LRP2: variants seen among roughly 807,000 people sequenced by gnomAD.
LRP2 encodes low-density lipoprotein receptor-related protein 2.
LRP2 carries 172 observed loss-of-function variants against 531.0 expected under a neutral mutation model. The ratio of observed to expected loss-of-function variants is 0.32; its 90% CI spans 0.29 to 0.37. LRP2 has a LOEUF of 0.37. LRP2 is among the 10% of genes least tolerant of loss of function. The probability of loss-of-function intolerance (pLI) is 1.00; values close to 1 mark genes in which losing one functional copy is unlikely to be tolerated. For missense variants in LRP2, 5,167 were observed against 5,868.3 expected (o/e 0.88, Z 3.90); for synonymous variants, 1,992 against 2,027.6 (o/e 0.98, Z 0.47).
intron 1 of LRP2, among the ~76,000 whole-genome samples, chr2:169,353,933 G>T (rs542654572): frequency 6.6e-6 from 1 of 152,316 alleles, no homozygotes; most frequent in East Asian, 1.9e-4. Flanking sequence ...TGAGGCTGCA[G>T]GGAGCCATGC....
chr2:169,254,874 G>A (rs1360884991), intron 19 of LRP2, among the ~76,000 whole-genome samples: 1 of 151,916 alleles, frequency 6.6e-6, no homozygotes, highest in Non-Finnish European at 1.5e-5. Flanking sequence ...GACATCATTA[G>A]TGAAAAGGGA....
At chr2:169,237,398 G>A (rs1399567638) in intron 27 of LRP2, 111 bp from the exon 28 acceptor site, 5 of 882,568 alleles carry the variant, frequency 5.7e-6, no homozygotes, top group Non-Finnish European at 8.9e-6. Flanking sequence ...ATAATTACTT[G>A]TGGGGATTAG....
intron 1 of LRP2, among the ~76,000 whole-genome samples, chr2:169,325,116 C>G (rs1449972967): frequency 2.0e-5 from 3 of 150,436 alleles, no homozygotes; most frequent in Admixed American, 1.3e-4. Context: ...CAGTTTCATT[C>G]TTTTACCCGT....
chr2:169,314,795 C>T (rs1684713707), intron 3 of LRP2, among the ~76,000 whole-genome samples: 1 of 152,170 alleles, frequency 6.6e-6, no homozygotes, highest in South Asian at 2.1e-4. Flanking sequence ...GAATTCTGCC[C>T]ATGGCAGAGA....
intron 1 of LRP2, among the ~76,000 whole-genome samples, chr2:169,339,171 T>A (rs1360027665): frequency 6.6e-6 from 1 of 152,128 alleles, no homozygotes; most frequent in Non-Finnish European, 1.5e-5. Flanking sequence ...AGCTCTTCTA[T>A]ATTCATCATC....
In LRP2 at chr2:169,259,018, C is replaced by T. The variant is rs1158609461; in HGVS notation, c.2513+7G>A. ...TCAAGCTCTTAGGAAAACATGAACACACTTACCCGGCAAAAGGATGAACTA... is the reference window on the plus strand; with the variant it reads ...TCAAGCTCTTAGGAAAACATGAACATACTTACCCGGCAAAAGGATGAACTA... On this transcript the variant is annotated splice_region_variant and intron_variant, in intron 17 of 78. Transcript: ENST00000649046. 4 of 1,612,962 alleles carry T rather than the reference C, an allele frequency of 2.5e-6. No homozygotes were observed. The highest frequency in any genetic ancestry group is 3.4e-6 in the Non-Finnish European group (4 of 1,179,304).
intron 1 of LRP2, among the ~76,000 whole-genome samples, chr2:169,328,441 T>TAAAAAAAAAAAG (rs1685176519): frequency 6.1e-5 from 3 of 49,110 alleles, no homozygotes; most frequent in East Asian, 6.0e-4. Flanking sequence ...CGGGCCGGGA[T>TAAAAAAAAAAAG]AAAAAAAAAA....
intron 1 of LRP2, among the ~76,000 whole-genome samples, chr2:169,342,569 A>G (rs987620579): frequency 2.6e-5 from 4 of 152,306 alleles, no homozygotes; most frequent in East Asian, 3.9e-4. Context: ...TTAGCTTGAC[A>G]TACAAAATCC....
chr2:169,168,721 A>G, intron 60 of LRP2, 45 bp from the exon 61 acceptor site: 1 of 1,609,778 alleles, frequency 6.2e-7, no homozygotes, highest in Non-Finnish European at 8.5e-7. Context: ...ATACAAATTG[A>G]CTACTTTGGG....
intron 30 of LRP2, 52 bp from the exon 31 acceptor site, chr2:169,231,894 A>C: frequency 6.2e-7 from 1 of 1,603,354 alleles, no homozygotes. Context: ...TCCACATTAA[A>C]ATCAAAACAG....
At chr2:169,288,034 G>A (rs1020880622) in intron 9 of LRP2, among the ~76,000 whole-genome samples, 4 of 151,972 alleles carry the variant, frequency 2.6e-5, no homozygotes, top group African/African-American at 9.7e-5. Context: ...GAATCATTTT[G>A]GAGCCCCATA....
At chr2:169,194,122 GAT>G (rs1390239546) in intron 46 of LRP2, among the ~76,000 whole-genome samples, 1 of 152,142 alleles carries the variant, frequency 6.6e-6, no homozygotes, top group Non-Finnish European at 1.5e-5. Flanking sequence ...ACTAAAATGA[GAT>G]ACAATATTCC....
intron 1 of LRP2, among the ~76,000 whole-genome samples, chr2:169,356,466 T>C (rs189651651): frequency 1.3e-5 from 2 of 152,366 alleles, no homozygotes; most frequent in East Asian, 3.9e-4. Flanking sequence ...TCACAGTTTA[T>C]TAAACATTTC....
At chr2:169,164,605 T>C (rs1044658236) in intron 62 of LRP2, among the ~76,000 whole-genome samples, 11 of 152,220 alleles carry the variant, frequency 7.2e-5, no homozygotes, top group African/African-American at 2.7e-4. Context: ...GATCTTCTCC[T>C]GCCTTGGCAA....
rs1376204408 is a variant in LRP2, at chr2:169,263,478, A to C, written c.2321-4261T>G. Among the ~76,000 whole-genome samples, 4 of 151,414 alleles carry C rather than the reference A, an allele frequency of 2.6e-5. No homozygotes were observed. In the East Asian group the frequency reaches 7.7e-4, roughly 29 times the overall value. On this transcript the variant is annotated intron_variant, in intron 16 of 78. Coordinates refer to ENST00000649046, the MANE Select transcript of LRP2 (RefSeq NM_004525.3). Reference sequence around the variant, plus strand: ...CTCAAAAGAAGACATTTATGCAGCCAAAAAACACATGAAAAAATGCTCACC... The same window carrying C: ...CTCAAAAGAAGACATTTATGCAGCCCAAAAACACATGAAAAAATGCTCACC...
chr2:169,238,061 C>A, intron 27 of LRP2, 30 bp downstream of exon 27: 2 of 1,596,736 alleles, frequency 1.3e-6, no homozygotes, highest in Non-Finnish European at 1.7e-6. Flanking sequence ...AGGAACTAGC[C>A]AGGCCAAAGG....
At chr2:169,141,997 C>G (rs1445643728) in intron 71 of LRP2, among the ~76,000 whole-genome samples, 3 of 152,194 alleles carry the variant, frequency 2.0e-5, no homozygotes, top group Non-Finnish European at 4.4e-5. Context: ...CTTTCCCCAT[C>G]AGCTAAAACT....
chr2:169,158,743 C>CA lies in LRP2; in HGVS notation c.11888-1242dup, dbSNP rs1329727438. Among the ~76,000 whole-genome samples the CA allele has an allele frequency of 4.7e-5, 7 of 148,438 alleles. No homozygotes were observed. The South Asian group carries it at 6.4e-4, about 14-fold the overall frequency. On this transcript the variant is annotated intron_variant, in intron 63 of 78. Coordinates refer to ENST00000649046, the MANE Select transcript of LRP2 (RefSeq NM_004525.3). ...GAAATATTTCTTACATATACATATG[C>CA]AAAAAAAAGATAGCAAAAGTACACC...
Position 169,247,004 on chromosome 2 carries a change from C to T in LRP2, c.2909-18G>A, listed in dbSNP as rs747149109. On this transcript the variant is annotated intron_variant, in intron 20 of 78. Coordinates refer to ENST00000649046, the MANE Select transcript of LRP2 (RefSeq NM_004525.3). ...GTTAGAACCTGCAAAAGCAAAGCCC[C>T]GAGGGAGTCAGTCATGTACATTTTC... 8 of 1,613,154 alleles carry T rather than the reference C, an allele frequency of 5.0e-6. No individual in the cohort carries two copies. The highest frequency in any genetic ancestry group is 1.1e-5 in the South Asian group (1 of 91,006).
Sources: gnomAD v4.1 joint callset for allele counts (sites outside exome capture counted in the v4.1 genomes callset) on GRCh38, gnomAD v4.1.1 for gene constraint, MANE v1.5 for transcripts, NCBI Gene and HGNC (gene_info 2026-07-23, HGNC 2026-07-21) for gene names.